The following PLEKHB1 variants were observed in gnomAD, a reference collection of about 807,000 sequenced individuals.
PLEKHB1 encodes the protein pleckstrin homology domain containing B1.
PLEKHB1 carries 29 observed loss-of-function variants against 36.2 expected under a neutral mutation model. That is an observed-to-expected ratio of 0.80 (90% CI 0.60 to 1.09). The LOEUF (loss-of-function observed/expected upper bound fraction) is 1.09. Among genes scored for constraint, PLEKHB1 ranks in the 50% least tolerant of loss-of-function variants. PLEKHB1 has a pLI of 0.00. For synonymous variants in PLEKHB1, 138 were observed against 140.0 expected, an observed-to-expected ratio of 0.99 and a Z score of 0.10; for missense variants, 330 against 348.2, an observed-to-expected ratio of 0.95 and a Z score of 0.42.
rs1400027487 is a variant in PLEKHB1 at position 73,661,052 on chromosome 11, C to T, written c.595+200C>T. ...CAGCGTTCGTCTCGAGCTGACCTCA[C>T]CCTTCTGGGATGGCTCCTCAGCCCT... On this transcript the variant is annotated intron_variant, in intron 7 of 7. Transcript: ENST00000354190. The surrounding 1 kb of genome is among the most constrained non-coding windows in gnomAD (Gnocchi z 4.6). The T allele has an allele frequency of 3.6e-5, 22 of 619,080 alleles. No homozygotes were observed. The highest frequency in any genetic ancestry group is 5.7e-5 in the Non-Finnish European group (20 of 352,362). The allele number at this position is 619,080 out of a possible 1,614,324, so 38.3% of individuals were successfully genotyped here. A position where few individuals can be genotyped will look rare whatever the true frequency, so the allele number is the denominator to read the frequency against.
At chr11:73,658,701 C>T (rs1388681077) in intron 6 of PLEKHB1, among the ~76,000 whole-genome samples, 2 of 152,178 alleles carry the variant, frequency 1.3e-5, no homozygotes, top group Non-Finnish European at 2.9e-5. Context: ...ACTGCAGCCT[C>T]GATCTCCTGG....
intron 5 of PLEKHB1, chr11:73,653,475 A>G (rs941346659): frequency 2.2e-6 from 1 of 461,778 alleles, no homozygotes; most frequent in African/African-American, 2.0e-5. Flanking sequence ...AACCAAGGAG[A>G]TATGGGCTCT....
chr11:73,648,005 G>A lies in PLEKHB1; in HGVS notation c.19-1007G>A, dbSNP rs190216421. 7.1e-6 allele frequency: 7 copies of A among 984,820 alleles called. No individual in the cohort carries two copies. The East Asian group carries it at 6.8e-4, about 96-fold the overall frequency. The allele number at this position is 984,820 out of a possible 1,614,324, so 61.0% of individuals were successfully genotyped here. ...TGCAAGCTACATCATGTACATGGATGAGTCATTTGCTAACCCTCAGTTTGT... is the reference window on the plus strand; with the variant it reads ...TGCAAGCTACATCATGTACATGGATAAGTCATTTGCTAACCCTCAGTTTGT... On this transcript the variant is annotated intron_variant, in intron 1 of 7. Transcript: ENST00000354190.
In PLEKHB1 at chr11:73,655,938, A is replaced by G. The variant is rs776492879; in HGVS notation, c.495+31A>G. 2.0e-5 allele frequency: 31 copies of G among 1,589,378 alleles called. 1 individual carries two copies. In the South Asian group the frequency reaches 2.3e-4, roughly 12 times the overall value. Reference sequence around the variant, plus strand: ...TGCTGGCTCGGCCCTCCCTGCCTCCATACTGGCCACCAGGATGAGCCTCCA... The same window carrying G: ...TGCTGGCTCGGCCCTCCCTGCCTCCGTACTGGCCACCAGGATGAGCCTCCA... On this transcript the variant is annotated intron_variant, in intron 6 of 7. Transcript: ENST00000354190.
chr11:73,661,520 C>T lies in PLEKHB1; in HGVS notation c.650C>T (p.Ala217Val), dbSNP rs771945260. ...GAGGATCCCTGCTACAGCGCCGGCG[C>T]CCCTCTGGCCATGGGCATGCTTGCG... is the stretch of plus-strand genomic sequence containing the variant. ...VREDPCYSAG[A>V]PLAMGMLAGA... is the part of the protein sequence containing the mutation. Residue 217 changes from alanine to valine, a missense_variant, in exon 8 of 8, where the codon GCC (alanine) becomes GTC (valine). Ala to Val is a moderately conservative substitution (Grantham distance 64, BLOSUM62 0). Coordinates refer to ENST00000354190, the MANE Select transcript of PLEKHB1 (RefSeq NM_021200.3). The surrounding 1 kb of genome is among the most constrained non-coding windows in gnomAD (Gnocchi z 4.6). 1 of 1,613,486 alleles carries T rather than the reference C, an allele frequency of 6.2e-7. No homozygotes were observed.
At chr11:73,660,017 G>A (rs1436913686) in intron 6 of PLEKHB1, among the ~76,000 whole-genome samples, 1 of 152,208 alleles carries the variant, frequency 6.6e-6, no homozygotes, top group Non-Finnish European at 1.5e-5. Flanking sequence ...ACCTAGTGAT[G>A]TTGTAGCCAT....
chr11:73,651,782 T>C lies in PLEKHB1; in HGVS notation c.248-6T>C, dbSNP rs1360544887. ...TGGAAACCCATATATGTGTGTCTGC[T>C]TCCAGATGTGCAGCCCCCAGAGGGC... On this transcript the variant is annotated splice_region_variant and splice_polypyrimidine_tract_variant and intron_variant, in intron 3 of 7. Coordinates refer to ENST00000354190, the MANE Select transcript of PLEKHB1 (RefSeq NM_021200.3). 1.2e-6 allele frequency: 2 copies of C among 1,612,612 alleles called. No individual in the cohort carries two copies. Among genetic ancestry groups the C allele is most frequent in the African/African-American group, 1.3e-5 (1 of 75,042 alleles).
intron 2 of PLEKHB1, among the ~76,000 whole-genome samples, chr11:73,649,740 T>G (rs1944849923): frequency 6.6e-6 from 1 of 152,132 alleles, no homozygotes; most frequent in Admixed American, 6.5e-5. Context: ...TGGGGACCCC[T>G]GGGACAAGCA....
At chr11:73,660,717 G>A (rs904133777) in intron 6 of PLEKHB1, 36 bp from the exon 7 acceptor site, 2 of 1,553,968 alleles carry the variant, frequency 1.3e-6, no homozygotes, top group Non-Finnish European at 1.7e-6. Context: ...CCGGGCCAGG[G>A]AGTTCCTGGG....
intron 1 of PLEKHB1, 63 bp from the exon 2 acceptor site, chr11:73,648,949 G>T: frequency 6.5e-7 from 1 of 1,546,952 alleles, no homozygotes; most frequent in Non-Finnish European, 8.7e-7. Context: ...GGACGGCAGG[G>T]CTGGGGGCTT....
At position 73,659,150 on chromosome 11, in the gene PLEKHB1, C is replaced by T. The variant is rs1317001628; in HGVS notation, c.496-1603C>T. The stretch of plus-strand genomic sequence containing the variant: ...CTGAGGCAGGAGAATCGCTTGAACC[C>T]GGGAGGCGGAGGTTGCAGTGAGCTG... On this transcript the variant is annotated intron_variant, in intron 6 of 7. Coordinates refer to ENST00000354190, the MANE Select transcript of PLEKHB1 (RefSeq NM_021200.3). 6.6e-5 allele frequency among the ~76,000 whole-genome samples: 10 copies of T among 150,500 alleles called. No individual in the cohort carries two copies. The South Asian group carries it at 1.3e-3, about 19-fold the overall frequency.
At chr11:73,648,028 T>G in intron 1 of PLEKHB1, 1 of 974,588 alleles carries the variant, frequency 1.0e-6, no homozygotes, top group Non-Finnish European at 1.2e-6. Flanking sequence ...ACCCTCAGTT[T>G]GTCCATCTGT....
chr11:73,650,745 G>A, intron 3 of PLEKHB1, 40 bp downstream of exon 3: 1 of 1,548,688 alleles, frequency 6.5e-7, no homozygotes, highest in Non-Finnish European at 8.7e-7. Flanking sequence ...CGTGACTGTG[G>A]GCAGAGCCTC....
At chr11:73,656,540 C>A (rs1944996976) in intron 6 of PLEKHB1, among the ~76,000 whole-genome samples, 1 of 152,144 alleles carries the variant, frequency 6.6e-6, no homozygotes, top group Non-Finnish European at 1.5e-5. Flanking sequence ...TATAGCAATA[C>A]TACTACATAG....
intron 1 of PLEKHB1, 87 bp downstream of exon 1, chr11:73,646,713 A>C: frequency 7.2e-7 from 1 of 1,382,892 alleles, no homozygotes; most frequent in Non-Finnish European, 1.0e-6. Context: ...GAAGTCTTTT[A>C]GGCCCTGACA....
chr11:73,653,173 T>C (rs1944932435), intron 5 of PLEKHB1, among the ~76,000 whole-genome samples, 159 bp downstream of exon 5: 1 of 152,088 alleles, frequency 6.6e-6, no homozygotes, highest in Non-Finnish European at 1.5e-5. Flanking sequence ...GGGGAAAGGA[T>C]AAGGGAGAGC....
intron 5 of PLEKHB1, among the ~76,000 whole-genome samples, chr11:73,654,231 A>C (rs1944952241): frequency 6.6e-6 from 1 of 152,208 alleles, no homozygotes; most frequent in Non-Finnish European, 1.5e-5. Flanking sequence ...GACTGATGGA[A>C]GTGGCGGTTT....
At position 73,660,858 on chromosome 11, in the gene PLEKHB1, T is replaced by A. The variant is rs372106302; in HGVS notation, c.595+6T>A. On this transcript the variant is annotated splice_donor_region_variant and intron_variant, in intron 7 of 7. Coordinates refer to ENST00000354190, the MANE Select transcript of PLEKHB1 (RefSeq NM_021200.3). ...CTACGGACCGCCCTACGCAGGTAAGTCTCCAGCGTGCCCCGGGGCTTGCCT... is the reference window on the plus strand; with the variant it reads ...CTACGGACCGCCCTACGCAGGTAAGACTCCAGCGTGCCCCGGGGCTTGCCT... 25 of 1,576,780 alleles carry A rather than the reference T, an allele frequency of 1.6e-5. No homozygotes were observed. In the African/African-American group the frequency reaches 3.0e-4, roughly 19 times the overall value.
intron 6 of PLEKHB1, among the ~76,000 whole-genome samples, chr11:73,658,538 G>A (rs968649255): frequency 1.1e-4 from 16 of 152,218 alleles, no homozygotes; most frequent in African/African-American, 3.6e-4. Context: ...AAAATCACGA[G>A]ACCTGGTGGC....
Sources: gnomAD v4.1 joint callset for allele counts (sites outside exome capture counted in the v4.1 genomes callset) on GRCh38, gnomAD v4.1.1 for gene constraint, Gnocchi (gnomAD v3.1) non-coding constraint, MANE v1.5 for transcripts, NCBI Gene and HGNC (gene_info 2026-07-23, HGNC 2026-07-21) for gene names.